The following ANO6 variants were observed in gnomAD, a reference collection of about 807,000 sequenced individuals.
ANO6 encodes anoctamin-6.
In ANO6, 106 loss-of-function variants were observed where a neutral mutation model predicts 117.5. That is an observed-to-expected ratio of 0.90 (90% confidence interval 0.77 to 1.06). The LOEUF (loss-of-function observed/expected upper bound fraction) is 1.06. ANO6 is among the 50% of genes least tolerant of loss of function. The pLI is 0.00. For synonymous variants in ANO6, 367 were observed against 385.1 expected, an observed-to-expected ratio of 0.95 and a Z score of 0.55; for missense variants, 955 against 1,121.1, an observed-to-expected ratio of 0.85 and a Z score of 2.12.
chr12:45,285,556 T>C (rs1352840146), intron 1 of ANO6, among the ~76,000 whole-genome samples: 5 of 151,982 alleles, frequency 3.3e-5, no homozygotes, highest in Non-Finnish European at 7.4e-5. Flanking sequence ...TGGTGAAACC[T>C]TGTCTCTACT....
intron 9 of ANO6, among the ~76,000 whole-genome samples, chr12:45,375,140 C>G (rs903193854): frequency 3.9e-5 from 6 of 152,140 alleles, no homozygotes; most frequent in African/African-American, 1.4e-4. Flanking sequence ...AGGAATCCAA[C>G]TTACAAGAGA....
chr12:45,339,555 G>A (rs910732196), intron 3 of ANO6, among the ~76,000 whole-genome samples: 1 of 152,006 alleles, frequency 6.6e-6, no homozygotes, highest in Admixed American at 6.6e-5. Flanking sequence ...TCCATCCTAT[G>A]TTTATCATTT....
chr12:45,399,180 GTTTT>G (rs1942713512), intron 12 of ANO6, among the ~76,000 whole-genome samples: 1 of 151,726 alleles, frequency 6.6e-6, no homozygotes, highest in South Asian at 2.1e-4. Flanking sequence ...GCCAAGGGAG[GTTTT>G]TTGTTTTTTT....
intron 16 of ANO6, among the ~76,000 whole-genome samples, chr12:45,409,823 G>T (rs150123325): frequency 6.6e-6 from 1 of 151,994 alleles, no homozygotes; most frequent in East Asian, 1.9e-4. Flanking sequence ...TGGTACAATC[G>T]TGGCTCACTG....
In ANO6 at chr12:45,431,659, TAGTGAGTCCACGGCTGACTTGC is replaced by T; in HGVS notation, c.*2354_*2375del. 1 of 985,410 alleles carries T rather than the reference TAGTGAGTCCACGGCTGACTTGC, an allele frequency of 1.0e-6. No individual in the cohort carries two copies. Among genetic ancestry groups the T allele is most frequent in the African/African-American group, 1.7e-5 (1 of 57,350 alleles). 61.0% of individuals were successfully genotyped at this position (985,410 alleles called of 1,614,324 possible). A position where few individuals can be genotyped will look rare whatever the true frequency, so the allele number is the denominator to read the frequency against. On this transcript the variant is annotated 3_prime_UTR_variant, in exon 20 of 20. Transcript: ENST00000320560. ...TCCCCATGCCATCCACAGTGTTTGTTAGTGAGTCCACGGCTGACTTGCAGTGATAAAGAAAAGCATGGAGCTG... is the reference window on the plus strand; with the variant it reads ...TCCCCATGCCATCCACAGTGTTTGTTAGTGATAAAGAAAAGCATGGAGCTG...
At chr12:45,318,721 G>A (rs993229964) in intron 2 of ANO6, among the ~76,000 whole-genome samples, 1 of 152,044 alleles carries the variant, frequency 6.6e-6, no homozygotes, top group Admixed American at 6.6e-5. Context: ...GGGCAGTATG[G>A]CCATTTTCAT....
chr12:45,246,104 G>A (rs1460382505), intron 1 of ANO6, among the ~76,000 whole-genome samples: 1 of 152,182 alleles, frequency 6.6e-6, no homozygotes, highest in East Asian at 1.9e-4. Flanking sequence ...CTGCCTGAGT[G>A]TAAGTACATA....
chr12:45,430,719 G>A lies in ANO6; in HGVS notation c.*1408G>A. On this transcript the variant is annotated 3_prime_UTR_variant, in exon 20 of 20. Transcript: ENST00000320560. ...TCCTGCTGCACTCCTGTCTTGCCAT[G>A]CACGTCTTGCCCCCTCACTTTTGCT... 3 of 985,398 alleles carry A rather than the reference G, an allele frequency of 3.0e-6. No homozygotes were observed. Among genetic ancestry groups the A allele is most frequent in the Non-Finnish European group, 3.6e-6 (3 of 829,954 alleles). 61.0% of individuals were successfully genotyped at this position (985,398 alleles called of 1,614,324 possible). A position where few individuals can be genotyped will look rare whatever the true frequency, so the allele number is the denominator to read the frequency against.
At chr12:45,424,380 C>A (rs1418045777) in intron 19 of ANO6, among the ~76,000 whole-genome samples, 3 of 137,942 alleles carry the variant, frequency 2.2e-5, no homozygotes, top group Non-Finnish European at 4.6e-5. Flanking sequence ...ACTCTGTTGC[C>A]CAGGCTGGAG....
chr12:45,317,795 C>T (rs188680148), intron 2 of ANO6, among the ~76,000 whole-genome samples: 2 of 152,292 alleles, frequency 1.3e-5, no homozygotes, highest in African/African-American at 2.4e-5. Flanking sequence ...TGCTTCCTGA[C>T]TTTTTAATGA....
In ANO6 at chr12:45,430,478, C is replaced by T. The variant is rs573350559; in HGVS notation, c.*1167C>T. 3.0e-6 allele frequency: 3 copies of T among 985,292 alleles called. No homozygotes were observed. The highest frequency in any genetic ancestry group is 3.6e-6 in the Non-Finnish European group (3 of 829,952). The allele number at this position is 985,292 out of a possible 1,614,324, so 61.0% of individuals were successfully genotyped here. On this transcript the variant is annotated 3_prime_UTR_variant, in exon 20 of 20. Coordinates refer to ENST00000320560, the MANE Select transcript of ANO6 (RefSeq NM_001025356.3). ...AAAGTCTCTGCCATAAAGAATGTGG[C>T]TTCCTTGCATCCTCCATCCTGTTAC...
At chr12:45,423,197 A>G (rs767894772) in intron 19 of ANO6, 135 bp downstream of exon 19, 9 of 743,448 alleles carry the variant, frequency 1.2e-5, no homozygotes, top group Non-Finnish European at 2.1e-5. Flanking sequence ...AAATATGTTA[A>G]TCAGTATTGA....
intron 17 of ANO6, among the ~76,000 whole-genome samples, chr12:45,418,567 G>C (rs556157941): frequency 1.3e-5 from 2 of 152,144 alleles, no homozygotes; most frequent in East Asian, 1.9e-4. Flanking sequence ...AAACTAAAAG[G>C]GTTTTTATTT....
chr12:45,280,085 G>A (rs1938674337), intron 1 of ANO6, among the ~76,000 whole-genome samples: 1 of 152,206 alleles, frequency 6.6e-6, no homozygotes, highest in African/African-American at 2.4e-5. Context: ...AGAAGAACAG[G>A]AAAGATAATA....
At chr12:45,371,045 C>T (rs1283647109) in intron 9 of ANO6, among the ~76,000 whole-genome samples, 3 of 152,026 alleles carry the variant, frequency 2.0e-5, no homozygotes, top group Admixed American at 6.5e-5. Flanking sequence ...TTGCCTCACT[C>T]GGGAAGTGCA....
At position 45,331,303 on chromosome 12, in the gene ANO6, T is replaced by C. The variant is rs533103339; in HGVS notation, c.159T>C (p.Phe53=). Reference sequence around the variant, plus strand: ...TTTTCTGTTTTACACAGGAAGAATTTAATGGAAAACCTGACTCCCTCTTTT... The same window carrying C: ...TTTTCTGTTTTACACAGGAAGAATTCAATGGAAAACCTGACTCCCTCTTTT... ...HDFRTPEFEE[F]NGKPDSLFFN... Residue 53 remains phenylalanine (F), a synonymous_variant, in exon 3 of 20, where the codon TTT becomes TTC. Coordinates refer to ENST00000320560, the MANE Select transcript of ANO6 (RefSeq NM_001025356.3). 412 of 1,608,806 alleles carry C rather than the reference T, an allele frequency of 2.6e-4. 6 individuals carry two copies. The South Asian group carries it at 4.3e-3, about 17-fold the overall frequency.
chr12:45,306,842 G>A (rs1389723548), intron 2 of ANO6, among the ~76,000 whole-genome samples: 2 of 151,528 alleles, frequency 1.3e-5, no homozygotes, highest in East Asian at 1.9e-4. Context: ...TGTTGGGGGG[G>A]TGGTGACAGT....
intron 2 of ANO6, among the ~76,000 whole-genome samples, chr12:45,305,898 C>T (rs933870970): frequency 6.6e-6 from 1 of 151,804 alleles, no homozygotes; most frequent in Non-Finnish European, 1.5e-5. Context: ...ATTCCAAGCC[C>T]CAAGGAGTTG....
At chr12:45,364,586 C>T (rs1443120806) in intron 8 of ANO6, among the ~76,000 whole-genome samples, 1 of 152,084 alleles carries the variant, frequency 6.6e-6, no homozygotes. Context: ...CCGAGGAGCC[C>T]TTCTAATGAT....
Sources: gnomAD v4.1 joint callset for allele counts (sites outside exome capture counted in the v4.1 genomes callset) on GRCh38, gnomAD v4.1.1 for gene constraint, MANE v1.5 for transcripts, NCBI Gene and HGNC (gene_info 2026-07-23, HGNC 2026-07-21) for gene names.